SLC15A4: variants seen among roughly 807,000 people sequenced by gnomAD.
SLC15A4 encodes solute carrier family 15 member 4.
Under a neutral mutation model 46.1 loss-of-function variants are expected in SLC15A4, and 26 were observed. That is an observed-to-expected ratio of 0.56 (90% confidence interval 0.41 to 0.78). The LOEUF (loss-of-function observed/expected upper bound fraction) is 0.78, where lower values mean the gene tolerates loss of function less well. SLC15A4 is among the 30% of genes least tolerant of loss of function. The pLI is 0.00. For missense variants in SLC15A4, 751 were observed against 755.7 expected (o/e 0.99, Z 0.07); for synonymous variants, 370 against 333.4 (o/e 1.11, Z -1.20).
At chr12:128,809,752 T>G (rs1366609383) in intron 3 of SLC15A4, 191 bp downstream of exon 3, 1 of 564,320 alleles carries the variant, frequency 1.8e-6, no homozygotes, top group East Asian at 3.0e-5. Context: ...AGCTTCTTTT[T>G]CAGAGAGGCT....
Position 128,823,735 on chromosome 12 carries a change from TC to T in SLC15A4, c.208del (p.Glu70ArgfsTer39). 6.5e-7 allele frequency: 1 copy of T among 1,540,176 alleles called. No homozygotes were observed. The highest frequency in any genetic ancestry group is 8.7e-7 in the Non-Finnish European group (1 of 1,152,386). ...LFLNGAPFCW[E>X]GAQASEALLL... is the part of the protein sequence containing the mutation. ...CAGCGCCTCGCTGGCCTGCGCGCCCTCCCAGCAGAACGGCGCCCCGTTCAGG... is the reference window on the plus strand; with the variant it reads ...CAGCGCCTCGCTGGCCTGCGCGCCCTCCAGCAGAACGGCGCCCCGTTCAGG... On this transcript the variant is annotated frameshift_variant, in exon 1 of 8. Coordinates refer to ENST00000266771, the MANE Select transcript of SLC15A4 (RefSeq NM_145648.4). LOFTEE classifies it high-confidence loss of function.
At chr12:128,820,425 A>G (rs533664513) in intron 1 of SLC15A4, among the ~76,000 whole-genome samples, 4 of 152,198 alleles carry the variant, frequency 2.6e-5, no homozygotes, top group Non-Finnish European at 5.9e-5. Context: ...ACTGTACAAA[A>G]AACCCAGTTC....
At chr12:128,822,541 TTTTA>T (rs889393029) in intron 1 of SLC15A4, among the ~76,000 whole-genome samples, 3 of 152,244 alleles carry the variant, frequency 2.0e-5, no homozygotes, top group African/African-American at 7.2e-5. Flanking sequence ...TTCATTTATT[TTTTA>T]TTTATTTATT....
chr12:128,799,387 T>A lies in SLC15A4; in HGVS notation c.1445A>T (p.Lys482Met). The A allele has an allele frequency of 6.2e-7, 1 of 1,614,102 alleles. No individual in the cohort carries two copies. Among genetic ancestry groups the A allele is most frequent in the Non-Finnish European group, 8.5e-7 (1 of 1,179,998 alleles). Residue 482 changes from lysine (K) to methionine (M), a missense_variant, in exon 7 of 8, where the codon AAG (lysine) becomes ATG (methionine). Coordinates refer to ENST00000266771, the MANE Select transcript of SLC15A4 (RefSeq NM_145648.4). ...GCCCATTATGGCACTCTGCATGGAC[T>A]TGGGGGCAGCTGAGTATGCAAATTC... ...GLEFAYSAAP[K>M]SMQSAIMGLF...
rs57014966 is a variant in SLC15A4 at position 128,796,429 on chromosome 12, C to CAAAAA, written c.1574-2078_1574-2074dup. Among the ~76,000 whole-genome samples the CAAAAA allele has an allele frequency of 9.7e-4, 33 of 33,926 alleles. 2 individuals carry two copies. Among genetic ancestry groups the CAAAAA allele is most frequent in the East Asian group, 1.6e-3 (1 of 616 alleles). 22.3% of individuals were successfully genotyped at this position (33,926 alleles called of 152,430 possible). ...GGGCAACAAACGTGAAACTCCATCT[C>CAAAAA]AAAAAAAAAAAAAAAAAAAAAAAAA... On this transcript the variant is annotated intron_variant, in intron 7 of 7. Coordinates refer to ENST00000266771, the MANE Select transcript of SLC15A4 (RefSeq NM_145648.4).
chr12:128,818,160 T>A lies in SLC15A4; in HGVS notation c.547-3090A>T, dbSNP rs193164235. Among the ~76,000 whole-genome samples, 148 of 152,044 alleles carry A rather than the reference T, an allele frequency of 9.7e-4. 3 individuals carry two copies. The highest frequency in any genetic ancestry group is 9.6e-3 in the Admixed American group (147 of 15,272). ...TCAGGTCACTATTTCAAATAATCCA[T>A]CCACCAAGAACGATTGTGACCTTTG... On this transcript the variant is annotated intron_variant, in intron 1 of 7. Transcript: ENST00000266771.
chr12:128,802,136 T>A (rs979230572), intron 5 of SLC15A4, among the ~76,000 whole-genome samples: 57 of 152,048 alleles, frequency 3.7e-4, no homozygotes, highest in Admixed American at 3.3e-4. Flanking sequence ...CACTCCGCCC[T>A]CCACGGGAGA....
At chr12:128,809,068 C>G in intron 4 of SLC15A4, 112 bp from the exon 5 acceptor site, 3 of 960,320 alleles carry the variant, frequency 3.1e-6, no homozygotes, top group Non-Finnish European at 4.7e-6. Flanking sequence ...TTCCTCTCCA[C>G]AAGGTACAAC....
chr12:128,801,560 C>T (rs984735265), intron 5 of SLC15A4: 1 of 152,564 alleles, frequency 6.6e-6, no homozygotes, highest in African/African-American at 2.4e-5. Context: ...CACAAATCAA[C>T]CTGTGCTCTC....
rs1329648359 is a variant in SLC15A4, at chr12:128,810,122, TA to T, written c.843-12del. The T allele has an allele frequency of 1.9e-6, 3 of 1,608,132 alleles. No homozygotes were observed. Among genetic ancestry groups the T allele is most frequent in the Non-Finnish European group, 2.5e-6 (3 of 1,177,686 alleles). ...ACTCCAATGCCTTCACTTTGGGAAA[TA>T]AAATGAAGGAATTAGTTTTCTTCCC... On this transcript the variant is annotated splice_polypyrimidine_tract_variant and intron_variant, in intron 2 of 7. Coordinates refer to ENST00000266771, the MANE Select transcript of SLC15A4 (RefSeq NM_145648.4).
intron 1 of SLC15A4, among the ~76,000 whole-genome samples, chr12:128,820,610 G>A (rs185207279): frequency 6.6e-6 from 1 of 152,198 alleles, no homozygotes; most frequent in East Asian, 1.9e-4. Context: ...AACCTCTCAA[G>A]CCTCAGTTTC....
At chr12:128,804,510 T>C (rs529846391) in intron 5 of SLC15A4, among the ~76,000 whole-genome samples, 7 of 152,312 alleles carry the variant, frequency 4.6e-5, no homozygotes, top group Admixed American at 2.0e-4. Context: ...GGTGGGCAGA[T>C]CACAAGGTCA....
At position 128,821,821 on chromosome 12, in the gene SLC15A4, G is replaced by C. The variant is rs574317806; in HGVS notation, c.546+1577C>G. Among the ~76,000 whole-genome samples the C allele has an allele frequency of 7.3e-5, 11 of 151,166 alleles. No individual in the cohort carries two copies. In the East Asian group the frequency reaches 1.7e-3, roughly 24 times the overall value. ...GAATCGCTTGAACTCAGGAGGTGAA[G>C]GTTGCAGTGAGCTGAGATCGCGCCA... On this transcript the variant is annotated intron_variant, in intron 1 of 7. Coordinates refer to ENST00000266771, the MANE Select transcript of SLC15A4 (RefSeq NM_145648.4).
chr12:128,806,244 T>C (rs533063063), intron 5 of SLC15A4, among the ~76,000 whole-genome samples: 3 of 151,856 alleles, frequency 2.0e-5, no homozygotes, highest in Admixed American at 2.0e-4. Context: ...CCATGTACAG[T>C]TACATTCTAT....
intron 6 of SLC15A4, among the ~76,000 whole-genome samples, chr12:128,799,718 T>C (rs1208743741): frequency 6.6e-6 from 1 of 152,218 alleles, no homozygotes; most frequent in African/African-American, 2.4e-5. Flanking sequence ...CTTAGACTTT[T>C]GTGTTCCTTA....
rs1955879042 is a variant in SLC15A4 at position 128,823,418 on chromosome 12, T to A, written c.526A>T (p.Thr176Ser). 2.8e-6 allele frequency: 4 copies of A among 1,451,490 alleles called. No homozygotes were observed. In the South Asian group the frequency reaches 4.1e-5, roughly 15 times the overall value. The allele number at this position is 1,451,490 out of a possible 1,614,324, so 89.9% of individuals were successfully genotyped here. A position where few individuals can be genotyped will look rare whatever the true frequency, so the allele number is the denominator to read the frequency against. ...LGVATVKANI[T>S]PFGADQVKDR... Reference sequence around the variant, plus strand: ...CTCACCTGGTCGGCGCCGAAGGGCGTGATGTTGGCCTTGACGGTGGCCACG... The same window carrying A: ...CTCACCTGGTCGGCGCCGAAGGGCGAGATGTTGGCCTTGACGGTGGCCACG... Residue 176 changes from threonine to serine, a missense_variant, in exon 1 of 8, where the codon ACG becomes TCG. By Grantham distance (58) the Thr-to-Ser change is moderately conservative. Transcript: ENST00000266771.
chr12:128,796,993 T>C (rs985054696), intron 7 of SLC15A4, among the ~76,000 whole-genome samples: 9 of 151,892 alleles, frequency 5.9e-5, no homozygotes, highest in African/African-American at 2.2e-4. Flanking sequence ...ACACAGGGTA[T>C]TCGGAAACGC....
chr12:128,812,888 CTTTTTTTTCCCT>C (rs1955679768), intron 2 of SLC15A4, among the ~76,000 whole-genome samples: 1 of 151,970 alleles, frequency 6.6e-6, no homozygotes, highest in Non-Finnish European at 1.5e-5. Flanking sequence ...CTAGCCCCTG[CTTTTTTTTCCCT>C]TATTTTTGCC....
At chr12:128,817,585 T>C (rs1265033135) in intron 1 of SLC15A4, among the ~76,000 whole-genome samples, 1 of 152,078 alleles carries the variant, frequency 6.6e-6, no homozygotes, top group Non-Finnish European at 1.5e-5. Context: ...ACTGCACATA[T>C]CTTCCCACAG....
Sources: gnomAD v4.1 joint callset for allele counts (sites outside exome capture counted in the v4.1 genomes callset) on GRCh38, gnomAD v4.1.1 for gene constraint, MANE v1.5 for transcripts, NCBI Gene and HGNC (gene_info 2026-07-23, HGNC 2026-07-21) for gene names.